ARHGEF10L: variants seen among roughly 807,000 people sequenced by gnomAD.
ARHGEF10L encodes rho guanine nucleotide exchange factor 10-like protein.
A neutral mutation model predicts 141.2 loss-of-function variants in ARHGEF10L; 69 were observed. The observed-to-expected ratio is 0.49, with a 90% confidence interval of 0.40 to 0.60. ARHGEF10L has a LOEUF of 0.60. ARHGEF10L is among the 20% of genes least tolerant of loss of function. The probability of loss-of-function intolerance (pLI) is 0.00; values close to 1 mark genes in which losing one functional copy is unlikely to be tolerated. For missense variants in ARHGEF10L, 1,482 were observed against 1,734.3 expected (o/e 0.85, Z 2.58); for synonymous variants, 711 against 718.5 (o/e 0.99, Z 0.17).
chr1:17,629,467 C>T (rs2060561895), intron 15 of ARHGEF10L, among the ~76,000 whole-genome samples: 1 of 152,184 alleles, frequency 6.6e-6, no homozygotes, highest in South Asian at 2.1e-4. Context: ...GGCACCAGCC[C>T]CCGAGTGGCA....
Position 17,697,476 on chromosome 1 carries a change from G to T in ARHGEF10L, c.*96G>T. The T allele has an allele frequency of 1.4e-6, 2 of 1,431,584 alleles. No homozygotes were observed. The highest frequency in any genetic ancestry group is 9.4e-7 in the Non-Finnish European group (1 of 1,067,764). The allele number at this position is 1,431,584 out of a possible 1,614,324, so 88.7% of individuals were successfully genotyped here. A position where few individuals can be genotyped will look rare whatever the true frequency, so the allele number is the denominator to read the frequency against. ...GGACCTGCACGGGACTTGTGGATGG[G>T]CCTGGACTCTCCAGAAACTACTTGG... On this transcript the variant is annotated 3_prime_UTR_variant, in exon 29 of 29. Coordinates refer to ENST00000361221, the MANE Select transcript of ARHGEF10L (RefSeq NM_018125.4). The surrounding 1 kb of genome is among the most constrained non-coding windows in gnomAD (Gnocchi z 4.8).
At chr1:17,583,322 C>T (rs962616963) in intron 2 of ARHGEF10L, among the ~76,000 whole-genome samples, 2 of 151,994 alleles carry the variant, frequency 1.3e-5, no homozygotes, top group Admixed American at 6.5e-5. Flanking sequence ...CCCTTCTCAC[C>T]CAGCAGCAGG....
At chr1:17,588,248 TG>T (rs2079193606) in intron 3 of ARHGEF10L, among the ~76,000 whole-genome samples, 197 bp from the exon 4 acceptor site, 2 of 13,064 alleles carry the variant, frequency 1.5e-4, no homozygotes, top group Non-Finnish European at 3.0e-4. Context: ...ACGGGGTGGG[TG>T]GGGGTGGTGC....
In ARHGEF10L at chr1:17,690,394, A is replaced by G. The variant is rs1301559805; in HGVS notation, c.3184+2647A>G. On this transcript the variant is annotated intron_variant, in intron 27 of 28. Coordinates refer to ENST00000361221, the MANE Select transcript of ARHGEF10L (RefSeq NM_018125.4). Reference sequence around the variant, plus strand: ...GTGTTGTGTGAGACAGTGTGAGGACAGTGCCCACAGTCCCCGTCTCAAGCC... The same window carrying G: ...GTGTTGTGTGAGACAGTGTGAGGACGGTGCCCACAGTCCCCGTCTCAAGCC... 6.6e-5 allele frequency among the ~76,000 whole-genome samples: 10 copies of G among 152,250 alleles called. No homozygotes were observed. In the East Asian group the frequency reaches 1.9e-3, roughly 29 times the overall value.
the ARHGEF10L span, among the ~76,000 whole-genome samples, chr1:17,532,239 G>C: frequency 2.0e-5 from 3 of 152,132 alleles, no homozygotes; most frequent in South Asian, 6.2e-4. Context: ...CCTGTCTGCT[G>C]TCAGCTGACC....
At chr1:17,601,063 AAAAAAC>A (rs2080624121) in intron 4 of ARHGEF10L, among the ~76,000 whole-genome samples, 1 of 148,040 alleles carries the variant, frequency 6.8e-6, no homozygotes, top group Non-Finnish European at 1.5e-5. Flanking sequence ...AAAAAAAAAA[AAAAAAC>A]AAAAAACAAA....
rs1025871365 is a variant in ARHGEF10L, at chr1:17,692,580, A to G, written c.3185-2578A>G. Among the ~76,000 whole-genome samples, 6 of 152,054 alleles carry G rather than the reference A, an allele frequency of 3.9e-5. No homozygotes were observed. In the South Asian group the frequency reaches 1.2e-3, roughly 32 times the overall value. ...GTCGCTCTGCTCCAAACAGGTCTAAAACAGGTTGGGCTCTCCTCACCTCAC... is the reference window on the plus strand; with the variant it reads ...GTCGCTCTGCTCCAAACAGGTCTAAGACAGGTTGGGCTCTCCTCACCTCAC... On this transcript the variant is annotated intron_variant, in intron 27 of 28. Coordinates refer to ENST00000361221, the MANE Select transcript of ARHGEF10L (RefSeq NM_018125.4).
intron 1 of ARHGEF10L, among the ~76,000 whole-genome samples, chr1:17,561,709 T>G (rs190796014): frequency 6.6e-6 from 1 of 152,306 alleles, no homozygotes; most frequent in Admixed American, 6.5e-5. Flanking sequence ...TGAAGGAATA[T>G]TCTGGGGCAC....
chr1:17,571,481 G>C (rs1341707448), intron 1 of ARHGEF10L, among the ~76,000 whole-genome samples: 1 of 152,124 alleles, frequency 6.6e-6, no homozygotes, highest in Non-Finnish European at 1.5e-5. Context: ...TGGGGTAGTG[G>C]GTGGAGAGGG....
At chr1:17,640,142 T>C in intron 20 of ARHGEF10L, 60 bp from the exon 21 acceptor site, 1 of 1,563,152 alleles carries the variant, frequency 6.4e-7, no homozygotes, top group Non-Finnish European at 8.7e-7. Context: ...ACGTGACAGC[T>C]GGGGGAGCCT....
chr1:17,559,962 T>C (rs965289566), intron 1 of ARHGEF10L, among the ~76,000 whole-genome samples: 1 of 152,136 alleles, frequency 6.6e-6, no homozygotes, highest in Non-Finnish European at 1.5e-5. Context: ...GTTGGGTGAC[T>C]CAGGCATGCC....
At chr1:17,611,884 T>A (rs1232768996) in intron 7 of ARHGEF10L, among the ~76,000 whole-genome samples, 1 of 152,204 alleles carries the variant, frequency 6.6e-6, no homozygotes, top group African/African-American at 2.4e-5. Flanking sequence ...TGGTCTTTTG[T>A]GTACTTTACC....
At position 17,609,521 on chromosome 1, in the gene ARHGEF10L, G is replaced by A. The variant is rs181787126; in HGVS notation, c.609+1544G>A. Among the ~76,000 whole-genome samples, 17 of 152,368 alleles carry A rather than the reference G, an allele frequency of 1.1e-4. 1 individual carries two copies. The highest frequency in any genetic ancestry group is 2.1e-4 in the Non-Finnish European group (14 of 68,032). On this transcript the variant is annotated intron_variant, in intron 7 of 28. Transcript: ENST00000361221. ...CAGTGAACCTTTACGGTCCATAGGA[G>A]ACACTGAATGGGAAACAGTTTGTCA... is the stretch of plus-strand genomic sequence containing the variant.
chr1:17,596,566 T>A (rs1242371683), intron 4 of ARHGEF10L, among the ~76,000 whole-genome samples: 1 of 152,226 alleles, frequency 6.6e-6, no homozygotes, highest in Admixed American at 6.5e-5. Context: ...TGCTTGTGCG[T>A]GTGGACCATG....
At chr1:17,588,530 G>C (rs190925482) in intron 4 of ARHGEF10L, 51 bp downstream of exon 4, 1 of 1,611,368 alleles carries the variant, frequency 6.2e-7, no homozygotes, top group Non-Finnish European at 8.5e-7. Context: ...GGGAGACACC[G>C]GGCAGTGGGT....
At chr1:17,554,192 G>C (rs2077217322) in intron 1 of ARHGEF10L, among the ~76,000 whole-genome samples, 2 of 152,186 alleles carry the variant, frequency 1.3e-5, no homozygotes, top group Admixed American at 1.3e-4. Flanking sequence ...ATGATGTTGA[G>C]TCAGATCTGG....
At chr1:17,560,801 G>A (rs1203448363) in intron 1 of ARHGEF10L, among the ~76,000 whole-genome samples, 1 of 152,162 alleles carries the variant, frequency 6.6e-6, no homozygotes, top group South Asian at 2.1e-4. Context: ...CTGATCTCAG[G>A]TGATCTGCCC....
intron 9 of ARHGEF10L, chr1:17,618,503 CTCCTCT>C: frequency 6.9e-7 from 1 of 1,453,924 alleles, no homozygotes. Flanking sequence ...CCTCCTCCTC[CTCCTCT>C]GTCTCCTGCT....
rs2102044146 is a variant in ARHGEF10L, at chr1:17,656,718, G to C, written c.2860+10G>C. The C allele has an allele frequency of 6.2e-7, 1 of 1,605,902 alleles. No homozygotes were observed. Among genetic ancestry groups the C allele is most frequent in the Non-Finnish European group, 8.5e-7 (1 of 1,175,610 alleles). ...TACCCTCGGACCAGCGGTGAGGACT[G>C]GGGGGAATGGGGGAAGGGGGGCAGT... On this transcript the variant is annotated intron_variant, in intron 25 of 28. Transcript: ENST00000361221. This position sits in a 1 kb window ranked among gnomAD's most constrained non-coding sequence, Gnocchi z 4.9.
Sources: gnomAD v4.1 joint callset for allele counts (sites outside exome capture counted in the v4.1 genomes callset) on GRCh38, gnomAD v4.1.1 for gene constraint, Gnocchi (gnomAD v3.1) non-coding constraint, MANE v1.5 for transcripts, NCBI Gene and HGNC (gene_info 2026-07-23, HGNC 2026-07-21) for gene names.